VWC2L: variants seen among roughly 807,000 people sequenced by gnomAD.
VWC2L encodes the protein von Willebrand factor C domain-containing protein 2-like.
A neutral mutation model predicts 21.6 loss-of-function variants in VWC2L; 10 were observed. The ratio of observed to expected loss-of-function variants is 0.46; its 90% CI spans 0.29 to 0.78. The LOEUF is 0.78. Among genes scored for constraint, VWC2L ranks in the 30% least tolerant of loss-of-function variants. The pLI, the probability that VWC2L is intolerant of heterozygous loss-of-function variation, is 0.10. For synonymous variants in VWC2L, 96 were observed against 94.3 expected, an observed-to-expected ratio of 1.02 and a Z score of -0.10; for missense variants, 209 against 277.1, an observed-to-expected ratio of 0.75 and a Z score of 1.74.
At chr2:214,427,646 C>A (rs1702544118) in intron 2 of VWC2L, among the ~76,000 whole-genome samples, 1 of 152,178 alleles carries the variant, frequency 6.6e-6, no homozygotes, top group South Asian at 2.1e-4. Flanking sequence ...TATACACACA[C>A]AGAGGATTGG....
chr2:214,534,769 T>G (rs1285944168), intron 3 of VWC2L, among the ~76,000 whole-genome samples: 1 of 152,150 alleles, frequency 6.6e-6, no homozygotes, highest in African/African-American at 2.4e-5. Flanking sequence ...TTATCTCCAG[T>G]GTTAACTCCA....
At chr2:214,530,072 G>A (rs1232389672) in intron 3 of VWC2L, among the ~76,000 whole-genome samples, 1 of 152,202 alleles carries the variant, frequency 6.6e-6, no homozygotes, top group Non-Finnish European at 1.5e-5. Context: ...GAGAATTACA[G>A]TAGTCAAAGA....
chr2:214,564,961 C>T (rs1690039313), intron 3 of VWC2L, among the ~76,000 whole-genome samples: 1 of 152,036 alleles, frequency 6.6e-6, no homozygotes, highest in Non-Finnish European at 1.5e-5. Flanking sequence ...TCCTTCCATC[C>T]TCATATAATC....
chr2:214,498,594 A>G (rs1274081440), intron 3 of VWC2L, among the ~76,000 whole-genome samples: 1 of 151,300 alleles, frequency 6.6e-6, no homozygotes, highest in Non-Finnish European at 1.5e-5. Context: ...GAATCTTTTA[A>G]TATGTTCTAT....
chr2:214,504,434 G>T (rs765043451), intron 3 of VWC2L, among the ~76,000 whole-genome samples: 1 of 152,208 alleles, frequency 6.6e-6, no homozygotes, highest in African/African-American at 2.4e-5. Context: ...TCTGCAGCAC[G>T]TGTCTGACAT....
chr2:214,438,774 A>T (rs1397669739), intron 3 of VWC2L, among the ~76,000 whole-genome samples: 1 of 152,016 alleles, frequency 6.6e-6, no homozygotes, highest in Non-Finnish European at 1.5e-5. Flanking sequence ...TCCAAATGAA[A>T]TCCTCTTTTT....
intron 3 of VWC2L, among the ~76,000 whole-genome samples, chr2:214,481,739 A>C (rs1312910747): frequency 6.6e-6 from 1 of 152,228 alleles, no homozygotes; most frequent in East Asian, 1.9e-4. Context: ...CATTACAAAT[A>C]CTGAAATATT....
At position 214,523,860 on chromosome 2, in the gene VWC2L, T is replaced by A. The variant is rs186073653; in HGVS notation, c.521-51812T>A. Among the ~76,000 whole-genome samples the A allele has an allele frequency of 9.2e-5, 14 of 152,264 alleles. No homozygotes were observed. In the East Asian group the frequency reaches 2.7e-3, roughly 29 times the overall value. ...AAAATAAATAAATTAGTTAATTAGT[T>A]GAATAAAATTTAAAAGACTCAAATC... On this transcript the variant is annotated intron_variant, in intron 3 of 3. Coordinates refer to ENST00000312504, the MANE Select transcript of VWC2L (RefSeq NM_001080500.4).
At chr2:214,558,823 T>C (rs892745525) in intron 3 of VWC2L, among the ~76,000 whole-genome samples, 12 of 152,116 alleles carry the variant, frequency 7.9e-5, no homozygotes, top group African/African-American at 2.7e-4. Flanking sequence ...GTTTTTTTTT[T>C]TTAAATTTAT....
chr2:214,564,981 T>C (rs979074091), intron 3 of VWC2L, among the ~76,000 whole-genome samples: 1 of 152,164 alleles, frequency 6.6e-6, no homozygotes, highest in Admixed American at 6.6e-5. Context: ...CCTATACAAA[T>C]ATGCACCAAA....
intron 2 of VWC2L, among the ~76,000 whole-genome samples, chr2:214,423,861 C>T (rs2126173253): frequency 6.6e-6 from 1 of 152,106 alleles, no homozygotes; most frequent in East Asian, 1.9e-4. Context: ...GCAAAATTAG[C>T]TGTGCTTTCT....
At chr2:214,478,478 A>G (rs532309941) in intron 3 of VWC2L, among the ~76,000 whole-genome samples, 1 of 151,894 alleles carries the variant, frequency 6.6e-6, no homozygotes, top group Non-Finnish European at 1.5e-5. Flanking sequence ...CAAAAAAAAA[A>G]AAACAACAAA....
chr2:214,485,562 C>T (rs1688662809), intron 3 of VWC2L, among the ~76,000 whole-genome samples: 1 of 152,200 alleles, frequency 6.6e-6, no homozygotes, highest in African/African-American at 2.4e-5. Context: ...ACGAAGGTCA[C>T]TTAGCTTAGG....
At chr2:214,468,167 C>T (rs1703247437) in intron 3 of VWC2L, among the ~76,000 whole-genome samples, 1 of 152,038 alleles carries the variant, frequency 6.6e-6, no homozygotes, top group Admixed American at 6.6e-5. Context: ...CAGCCACTCA[C>T]CACCGCACCC....
At chr2:214,416,458 G>T (rs1206675430) in intron 2 of VWC2L, among the ~76,000 whole-genome samples, 1 of 151,842 alleles carries the variant, frequency 6.6e-6, no homozygotes, top group African/African-American at 2.4e-5. Context: ...TTTTTGATGT[G>T]ATTTTTAAAA....
At chr2:214,561,936 C>G (rs999162138) in intron 3 of VWC2L, among the ~76,000 whole-genome samples, 2 of 151,222 alleles carry the variant, frequency 1.3e-5, no homozygotes, top group African/African-American at 4.9e-5. Flanking sequence ...ATTTTACATT[C>G]TTTTTGTCTT....
chr2:214,486,913 T>A (rs1426110925), intron 3 of VWC2L, among the ~76,000 whole-genome samples: 1 of 152,222 alleles, frequency 6.6e-6, no homozygotes, highest in Non-Finnish European at 1.5e-5. Context: ...AAAATTCCTA[T>A]GTTGACGTTC....
At chr2:214,571,947 T>C (rs1445965771) in intron 3 of VWC2L, among the ~76,000 whole-genome samples, 1 of 151,990 alleles carries the variant, frequency 6.6e-6, no homozygotes, top group Non-Finnish European at 1.5e-5. Context: ...CCACCACTCC[T>C]GGCTTTCTGT....
At chr2:214,478,638 C>A (rs535196974) in intron 3 of VWC2L, among the ~76,000 whole-genome samples, 1 of 152,164 alleles carries the variant, frequency 6.6e-6, no homozygotes, top group Non-Finnish European at 1.5e-5. Context: ...AGCTTCCATG[C>A]GTGTCCTCAC....
Sources: allele counts gnomAD v4.1 joint callset (sites outside exome capture counted in the v4.1 genomes callset), GRCh38; gene constraint gnomAD v4.1.1; transcripts MANE v1.5; gene names NCBI Gene and HGNC (gene_info 2026-07-23, HGNC 2026-07-21).